Variants in FHIT observed in about 807,000 individuals in gnomAD.
The protein encoded by FHIT is bis(5'-adenosyl)-triphosphatase.
FHIT carries 19 observed loss-of-function variants against 17.9 expected under a neutral mutation model. The observed-to-expected ratio is 1.06, with a 90% CI of 0.74 to 1.56. The LOEUF (loss-of-function observed/expected upper bound fraction) is 1.56, where lower values mean the gene tolerates loss of function less well. FHIT is among the 40% of genes most tolerant of loss of function. The pLI, the probability that FHIT is intolerant of heterozygous loss-of-function variation, is 0.00. For missense variants in FHIT, 248 were observed against 189.2 expected, an observed-to-expected ratio of 1.31 and a Z score of -1.82; for synonymous variants, 81 against 69.7, an observed-to-expected ratio of 1.16 and a Z score of -0.81.
intron 3 of FHIT, among the ~76,000 whole-genome samples, chr3:60,859,852 T>A (rs1221398876): frequency 2.1e-5 from 3 of 140,442 alleles, no homozygotes; most frequent in Non-Finnish European, 4.5e-5. Context: ...AAGACCAGCC[T>A]GGCCAACATG....
chr3:60,705,858 T>C (rs186556272), intron 4 of FHIT, among the ~76,000 whole-genome samples: 1 of 152,204 alleles, frequency 6.6e-6, no homozygotes, highest in Non-Finnish European at 1.5e-5. Context: ...CTCTTAATAC[T>C]GTGACCTCTC....
intron 4 of FHIT, among the ~76,000 whole-genome samples, chr3:60,773,324 T>C (rs1553723642): frequency 6.6e-6 from 1 of 152,244 alleles, no homozygotes; most frequent in Non-Finnish European, 1.5e-5. Context: ...GTGTACCCTG[T>C]AGCTCTGTAC....
chr3:60,755,817 T>C (rs1306625506), intron 4 of FHIT, among the ~76,000 whole-genome samples: 2 of 152,222 alleles, frequency 1.3e-5, no homozygotes, highest in African/African-American at 4.8e-5. Context: ...AAGGAGGGAC[T>C]GTATCTTTGT....
chr3:60,661,566 C>A (rs189874536), intron 4 of FHIT, among the ~76,000 whole-genome samples: 2 of 152,220 alleles, frequency 1.3e-5, no homozygotes, highest in Admixed American at 1.3e-4. Context: ...TGGGTAGATA[C>A]CCAATAGTGG....
At chr3:60,874,715 G>A (rs549242047) in intron 3 of FHIT, among the ~76,000 whole-genome samples, 3 of 152,076 alleles carry the variant, frequency 2.0e-5, no homozygotes, top group Non-Finnish European at 4.4e-5. Flanking sequence ...CCTCCCATCT[G>A]CAGTCTCAAC....
chr3:60,624,410 T>C (rs1553680048), intron 4 of FHIT, among the ~76,000 whole-genome samples: 1 of 152,144 alleles, frequency 6.6e-6, no homozygotes, highest in Admixed American at 6.5e-5. Flanking sequence ...TTGAATGGAA[T>C]TGGACAGAAG....
chr3:61,096,840 G>A (rs2035654507), intron 2 of FHIT, among the ~76,000 whole-genome samples: 1 of 152,146 alleles, frequency 6.6e-6, no homozygotes, highest in Admixed American at 6.5e-5. Flanking sequence ...GCCGGGAGCG[G>A]CAGCTCACAC....
At chr3:61,114,962 C>T (rs1158981568) in intron 2 of FHIT, among the ~76,000 whole-genome samples, 1 of 152,174 alleles carries the variant, frequency 6.6e-6, no homozygotes, top group Admixed American at 6.6e-5. Context: ...TTGAGCTTGA[C>T]ATCAGGGCCA....
At chr3:61,154,965 C>G (rs1363403523) in intron 2 of FHIT, among the ~76,000 whole-genome samples, 1 of 152,196 alleles carries the variant, frequency 6.6e-6, no homozygotes, top group Non-Finnish European at 1.5e-5. Flanking sequence ...CCCGACAGGC[C>G]CTCTTCCCCT....
At chr3:60,340,437 C>T (rs1221545975) in intron 5 of FHIT, among the ~76,000 whole-genome samples, 1 of 152,190 alleles carries the variant, frequency 6.6e-6, no homozygotes, top group East Asian at 1.9e-4. Flanking sequence ...TGGTAATCCA[C>T]TGCAGCCCTT....
chr3:60,964,635 C>G (rs1553782460), intron 3 of FHIT, among the ~76,000 whole-genome samples: 1 of 152,130 alleles, frequency 6.6e-6, no homozygotes, highest in African/African-American at 2.4e-5. Flanking sequence ...CTGGTGGTGA[C>G]AAAGTCTCTC....
At chr3:60,788,185 G>A (rs763719702) in intron 4 of FHIT, among the ~76,000 whole-genome samples, 10 of 152,110 alleles carry the variant, frequency 6.6e-5, no homozygotes, top group Non-Finnish European at 1.2e-4. Flanking sequence ...CTGGTTTCTC[G>A]GGAAGCTAAG....
chr3:59,965,725 GC>G (rs1707895962), intron 7 of FHIT, among the ~76,000 whole-genome samples: 1 of 152,130 alleles, frequency 6.6e-6, no homozygotes, highest in Admixed American at 6.6e-5. Flanking sequence ...CCAATTTCTA[GC>G]CTACATGATT....
chr3:61,038,262 C>T (rs559427361), intron 3 of FHIT, among the ~76,000 whole-genome samples: 1 of 152,166 alleles, frequency 6.6e-6, no homozygotes. Context: ...GCAAAGCATT[C>T]TTGCCAAAAA....
chr3:61,094,101 T>C (rs1429106653), intron 2 of FHIT, among the ~76,000 whole-genome samples: 1 of 148,536 alleles, frequency 6.7e-6, no homozygotes, highest in Non-Finnish European at 1.5e-5. Flanking sequence ...TATGCACATA[T>C]ATACATGTAT....
At chr3:60,086,076 T>A (rs957062271) in intron 5 of FHIT, among the ~76,000 whole-genome samples, 2 of 152,132 alleles carry the variant, frequency 1.3e-5, no homozygotes, top group Non-Finnish European at 2.9e-5. Context: ...TTCTTCATCA[T>A]CTCATGGCAG....
intron 9 of FHIT, chr3:59,751,208 C>T: frequency 5.9e-6 from 1 of 168,196 alleles, no homozygotes; most frequent in Non-Finnish European, 1.2e-5. Flanking sequence ...TATTTATAAA[C>T]AAATTTCAGA....
intron 3 of FHIT, among the ~76,000 whole-genome samples, chr3:60,859,778 T>G (rs1210254425): frequency 8.4e-6 from 1 of 119,596 alleles, no homozygotes; most frequent in Non-Finnish European, 1.6e-5. Flanking sequence ...GCACGGTGGC[T>G]CATGCCTGTA....
intron 7 of FHIT, among the ~76,000 whole-genome samples, chr3:60,003,223 TC>T (rs2107504916): frequency 6.6e-6 from 1 of 152,244 alleles, no homozygotes; most frequent in South Asian, 2.1e-4. Context: ...CCTCACTATC[TC>T]CACCCAGAGG....
Sources: gnomAD v4.1 joint callset for allele counts (sites outside exome capture counted in the v4.1 genomes callset) on GRCh38, gnomAD v4.1.1 for gene constraint, MANE v1.5 for transcripts, NCBI Gene and HGNC (gene_info 2026-07-23, HGNC 2026-07-21) for gene names.